Variants in RAD51D observed in about 807,000 individuals in gnomAD.
RAD51D encodes the protein RAD51 paralog D.
In RAD51D, 38 loss-of-function variants were observed where a neutral mutation model predicts 44.1. The ratio of observed to expected loss-of-function variants is 0.86; its 90% CI spans 0.67 to 1.13. RAD51D has a LOEUF of 1.13. Among genes scored for constraint, RAD51D ranks in the 50% most tolerant of loss-of-function variants. The pLI, the probability that RAD51D is intolerant of heterozygous loss-of-function variation, is 0.00. For synonymous variants in RAD51D, 141 were observed against 166.6 expected (o/e 0.85, Z 1.18); for missense variants, 390 against 414.0 (o/e 0.94, Z 0.50).
At position 35,101,047 on chromosome 17, in the gene RAD51D, A is replaced by G. The variant is rs374449943; in HGVS notation, c.904-11T>C. On this transcript the variant is annotated splice_polypyrimidine_tract_variant and intron_variant, in intron 9 of 9. Coordinates refer to ENST00000345365, the MANE Select transcript of RAD51D (RefSeq NM_002878.4). The stretch of plus-strand genomic sequence containing the variant: ...CTGGAAACCTGTTGGCTGGAAGAAG[A>G]AGTAAGGAGTCAGTGGAGTTAAGCA... 2.5e-6 allele frequency: 4 copies of G among 1,612,038 alleles called. No individual in the cohort carries two copies. The African/African-American group carries it at 5.3e-5, about 22-fold the overall frequency.
Position 35,106,366 on chromosome 17 carries a change from G to A in RAD51D, c.576+20C>T, listed in dbSNP as rs2142428598. 6.2e-7 allele frequency: 1 copy of A among 1,604,644 alleles called. No homozygotes were observed. The highest frequency in any genetic ancestry group is 8.5e-7 in the Non-Finnish European group (1 of 1,172,220). ...CTAGAAAGCTGAATTAAGCAAGGAG[G>A]GGCAGAACAGCAGGCTCACCTGCTG... On this transcript the variant is annotated intron_variant, in intron 6 of 9. Coordinates refer to ENST00000345365, the MANE Select transcript of RAD51D (RefSeq NM_002878.4).
Position 35,110,578 on chromosome 17 carries a change from TGTATAAG to T in RAD51D, c.264-3138_264-3132del, listed in dbSNP as rs532103446. Among the ~76,000 whole-genome samples, 598 of 152,348 alleles carry T rather than the reference TGTATAAG, an allele frequency of 3.9e-3. 5 individuals are homozygous for T. The highest frequency in any genetic ancestry group is 0.014 in the African/African-American group (569 of 41,582). ...AAGTCTATGATCCATTTTCAATTTT[TGTATAAG>T]GTATAAGGTTTAGGTTGATTATTGT... is the stretch of plus-strand genomic sequence containing the variant. On this transcript the variant is annotated intron_variant, in intron 3 of 9. Coordinates refer to ENST00000345365, the MANE Select transcript of RAD51D (RefSeq NM_002878.4).
rs530606609 is a variant in RAD51D at position 35,097,387 on chromosome 17, G to A, written c.*3566C>T. 4.6e-5 allele frequency: 7 copies of A among 151,866 alleles called. No individual in the cohort carries two copies. The East Asian group carries it at 1.4e-3, about 29-fold the overall frequency. 9.4% of individuals were successfully genotyped at this position (151,866 alleles called of 1,614,324 possible). ...CCCACTTTGGCCTCCCAAAGTGCTGGGATTACAGGCGTGAGCCACTGCGCC... is the reference window on the plus strand; with the variant it reads ...CCCACTTTGGCCTCCCAAAGTGCTGAGATTACAGGCGTGAGCCACTGCGCC... On this transcript the variant is annotated 3_prime_UTR_variant, in exon 10 of 10. Coordinates refer to ENST00000345365, the MANE Select transcript of RAD51D (RefSeq NM_002878.4).
intron 5 of RAD51D, 99 bp from the exon 6 acceptor site, chr17:35,106,580 A>T: frequency 1.1e-6 from 1 of 870,474 alleles, no homozygotes. Flanking sequence ...GCAAGGACTC[A>T]GGTCCAGGGT....
chr17:35,100,379 G>A lies in RAD51D; in HGVS notation c.*574C>T. 1 of 534,208 alleles carries A rather than the reference G, an allele frequency of 1.9e-6. No individual in the cohort carries two copies. Among genetic ancestry groups the A allele is most frequent in the Non-Finnish European group, 3.6e-6 (1 of 276,312 alleles). 33.1% of individuals were successfully genotyped at this position (534,208 alleles called of 1,614,324 possible). A position where few individuals can be genotyped will look rare whatever the true frequency, so the allele number is the denominator to read the frequency against. On this transcript the variant is annotated 3_prime_UTR_variant, in exon 10 of 10. Coordinates refer to ENST00000345365, the MANE Select transcript of RAD51D (RefSeq NM_002878.4). The stretch of plus-strand genomic sequence containing the variant: ...CTAAGGGGAAATCAGGTGGCTCTAG[G>A]GCTCGGGGAATTGCCTTTTTATATT...
At chr17:35,115,152 A>G (rs2091721880) in intron 3 of RAD51D, 1 of 423,282 alleles carries the variant, frequency 2.4e-6, no homozygotes, top group Non-Finnish European at 4.8e-6. Flanking sequence ...CCCATGAAGC[A>G]GAAGTACACC....
chr17:35,105,313 C>T (rs74687991), intron 6 of RAD51D, among the ~76,000 whole-genome samples: 2 of 151,916 alleles, frequency 1.3e-5, no homozygotes, highest in Non-Finnish European at 2.9e-5. Flanking sequence ...TTTTTAAAGA[C>T]GGGGTCTAGC....
rs751885496 is a variant in RAD51D, at chr17:35,101,264, G to A, written c.840C>T (p.Thr280=). 1.2e-5 allele frequency: 19 copies of A among 1,614,166 alleles called. No homozygotes were observed. The highest frequency in any genetic ancestry group is 1.6e-5 in the Non-Finnish European group (19 of 1,180,022). The change falls in exon 9 of 10, where the codon ACC becomes ACT. Residue 280 remains threonine, a synonymous_variant. Transcript: ENST00000345365. ...FVPSTRILLD[T]IEGAGASGGR... ...CGCCTGATGCTCCTGCTCCCTCGATGGTGTCCAGGAGAATCCGAGTGCTGG... is the reference window on the plus strand; with the variant it reads ...CGCCTGATGCTCCTGCTCCCTCGATAGTGTCCAGGAGAATCCGAGTGCTGG...
chr17:35,101,008 A>G lies in RAD51D; in HGVS notation c.932T>C (p.Ile311Thr), dbSNP rs145309168. Reference sequence around the variant, plus strand: ...CTGCTCTGAGGTCCCCCAGGTCCCAATGTCTACCATCTCCTGGAAACCTGT... The same window carrying G: ...CTGCTCTGAGGTCCCCCAGGTCCCAGTGTCTACCATCTCCTGGAAACCTGT... The part of the protein sequence containing the change: ...QPTGFQEMVD[I>T]GTWGTSEQSA... The change falls in exon 10 of 10, where the codon ATT becomes ACT. Residue 311 changes from isoleucine (I) to threonine (T), a missense_variant. Transcript: ENST00000345365. The G allele has an allele frequency of 8.1e-6, 13 of 1,613,754 alleles. No individual in the cohort carries two copies. The highest frequency in any genetic ancestry group is 2.7e-5 in the African/African-American group (2 of 74,912).
At position 35,111,542 on chromosome 17, in the gene RAD51D, G is replaced by T. The variant is rs535891854; in HGVS notation, c.264-4095C>A. Among the ~76,000 whole-genome samples the T allele has an allele frequency of 1.1e-4, 16 of 152,058 alleles. No homozygotes were observed. The South Asian group carries it at 1.9e-3, about 18-fold the overall frequency. ...AATAGCAGCAGTACCCTCCATCCTG[G>T]GTGACAGAGCAAGACTCTGTCTCAA... On this transcript the variant is annotated intron_variant, in intron 3 of 9. Transcript: ENST00000345365.
intron 3 of RAD51D, among the ~76,000 whole-genome samples, chr17:35,112,736 T>C (rs951542465): frequency 2.0e-5 from 3 of 152,184 alleles, no homozygotes; most frequent in Non-Finnish European, 4.4e-5. Flanking sequence ...TATAGAGAAA[T>C]GCAGTTGATT....
At chr17:35,119,436 G>C in intron 1 of RAD51D, 96 bp downstream of exon 1, 1 of 1,389,886 alleles carries the variant, frequency 7.2e-7, no homozygotes, top group African/African-American at 1.4e-5. Context: ...GAGGGGAAGC[G>C]CCCTGCAGGT....
At chr17:35,107,548 C>T in intron 3 of RAD51D, 101 bp from the exon 4 acceptor site, 1 of 989,836 alleles carries the variant, frequency 1.0e-6, no homozygotes, top group Non-Finnish European at 1.6e-6. Flanking sequence ...AGCACTGGTT[C>T]TGTCTTTGAA....
At position 35,099,720 on chromosome 17, in the gene RAD51D, T is replaced by C. The variant is rs560937515; in HGVS notation, c.*1233A>G. On this transcript the variant is annotated 3_prime_UTR_variant, in exon 10 of 10. Transcript: ENST00000345365. Reference sequence around the variant, plus strand: ...TGCAGCCAAGACATAACTGATTAATTACACAACAGGCTCTCTAACCAAGAA... The same window carrying C: ...TGCAGCCAAGACATAACTGATTAATCACACAACAGGCTCTCTAACCAAGAA... The C allele has an allele frequency of 2.0e-5, 8 of 395,578 alleles. No individual in the cohort carries two copies. The East Asian group carries it at 2.6e-4, about 13-fold the overall frequency. The allele number at this position is 395,578 out of a possible 1,614,324, so 24.5% of individuals were successfully genotyped here.
rs933457720 is a variant in RAD51D at position 35,100,676 on chromosome 17, T to G, written c.*277A>C. The G allele has an allele frequency of 8.5e-6, 5 of 590,156 alleles. No homozygotes were observed. Among genetic ancestry groups the G allele is most frequent in the Non-Finnish European group, 1.6e-5 (5 of 319,336 alleles). The allele number at this position is 590,156 out of a possible 1,614,324, so 36.6% of individuals were successfully genotyped here. A position where few individuals can be genotyped will look rare whatever the true frequency, so the allele number is the denominator to read the frequency against. On this transcript the variant is annotated 3_prime_UTR_variant, in exon 10 of 10. Coordinates refer to ENST00000345365, the MANE Select transcript of RAD51D (RefSeq NM_002878.4). ...TCATCAGAGATGCTCCCAGCCAGGG[T>G]GAACTTGGTTTCCACCAGAAACATA...
chr17:35,100,803 T>C lies in RAD51D; in HGVS notation c.*150A>G. 1.4e-6 allele frequency: 1 copy of C among 730,152 alleles called. No homozygotes were observed. The highest frequency in any genetic ancestry group is 2.5e-6 in the Non-Finnish European group (1 of 402,980). The allele number at this position is 730,152 out of a possible 1,614,324, so 45.2% of individuals were successfully genotyped here. On this transcript the variant is annotated 3_prime_UTR_variant, in exon 10 of 10. Transcript: ENST00000345365. ...CTGTGGTTTATATGCTTACAGAGAGTGAGGCCAAGGAACCCAAGATGTCTC... is the reference window on the plus strand; with the variant it reads ...CTGTGGTTTATATGCTTACAGAGAGCGAGGCCAAGGAACCCAAGATGTCTC...
chr17:35,115,863 C>T (rs557326147), intron 3 of RAD51D, among the ~76,000 whole-genome samples: 2 of 136,622 alleles, frequency 1.5e-5, no homozygotes, highest in East Asian at 2.3e-4. Flanking sequence ...AGTGAAACTC[C>T]GTCAAAAAAA....
rs370634278 is a variant in RAD51D at position 35,101,204 on chromosome 17, T to C, written c.900A>G (p.Arg300=). ...RRMACLAKSS[R]QPTGFQEMVD... is the part of the protein sequence containing the mutation. ...CATCTTCCTGGGGCTGGCTCACCTG[T>C]CGGGAAGATTTGGCCAGACACGCCA... The change falls in exon 9 of 10, where the codon CGA becomes CGG. Residue 300 remains arginine, a synonymous_variant. Coordinates refer to ENST00000345365, the MANE Select transcript of RAD51D (RefSeq NM_002878.4). The C allele has an allele frequency of 3.8e-5, 62 of 1,614,114 alleles. No individual in the cohort carries two copies. In the Middle Eastern group the frequency reaches 6.6e-4, roughly 17 times the overall value.
intron 3 of RAD51D, among the ~76,000 whole-genome samples, chr17:35,109,793 G>T (rs113992024): frequency 0.14 from 21,674 of 151,554 alleles, 1,872 homozygotes; most frequent in East Asian, 0.32. Flanking sequence ...TCAGCCTCCC[G>T]AGTAGCTAGG....
Sources: allele counts gnomAD v4.1 joint callset (sites outside exome capture counted in the v4.1 genomes callset), GRCh38; gene constraint gnomAD v4.1.1; transcripts MANE v1.5; gene names NCBI Gene and HGNC (gene_info 2026-07-23, HGNC 2026-07-21).